MGMT: variants seen among roughly 807,000 people sequenced by gnomAD.
The protein encoded by MGMT is O-6-methylguanine-DNA methyltransferase, also known as methylated-DNA--protein-cysteine methyltransferase.
MGMT carries 14 observed loss-of-function variants against 15.9 expected under a neutral mutation model. The ratio of observed to expected loss-of-function variants is 0.88; its 90% CI spans 0.58 to 1.37. The LOEUF is 1.37. Ranked by LOEUF, MGMT falls within the 40% of genes most tolerant of loss-of-function variation. MGMT has a pLI of 0.00. For missense variants in MGMT, 282 were observed against 268.1 expected (o/e 1.05, Z -0.36); for synonymous variants, 130 against 118.2 (o/e 1.10, Z -0.65).
intron 2 of MGMT, among the ~76,000 whole-genome samples, chr10:129,668,151 A>G (rs1187538344): frequency 6.6e-6 from 1 of 152,166 alleles, no homozygotes; most frequent in African/African-American, 2.4e-5. Context: ...TTTCTCTCCC[A>G]TAAGAACGTG....
chr10:129,687,278 A>G (rs1847915213), intron 2 of MGMT, among the ~76,000 whole-genome samples: 1 of 151,928 alleles, frequency 6.6e-6, no homozygotes. Context: ...CCTTAGGTAC[A>G]TATATTGAAT....
intron 3 of MGMT, among the ~76,000 whole-genome samples, chr10:129,714,298 C>T (rs1455514885): frequency 6.6e-6 from 1 of 152,238 alleles, no homozygotes; most frequent in Non-Finnish European, 1.5e-5. Context: ...ACCTGAGGTT[C>T]AGATTGTGTC....
At chr10:129,585,186 CT>C (rs1333054309) in intron 2 of MGMT, among the ~76,000 whole-genome samples, 41 of 152,266 alleles carry the variant, frequency 2.7e-4, no homozygotes, top group African/African-American at 9.6e-4. Context: ...AGAAAGATAT[CT>C]TCTTGTGTAA....
intron 1 of MGMT, among the ~76,000 whole-genome samples, chr10:129,517,000 G>C (rs917056629): frequency 2.6e-5 from 4 of 152,230 alleles, no homozygotes; most frequent in African/African-American, 7.2e-5. Flanking sequence ...TGCGGTTGGT[G>C]GTGGGGCTCC....
chr10:129,597,816 G>T (rs1256900236), intron 2 of MGMT, among the ~76,000 whole-genome samples: 1 of 152,200 alleles, frequency 6.6e-6, no homozygotes, highest in Non-Finnish European at 1.5e-5. Flanking sequence ...CTACAGAAGT[G>T]GCTGCTGACT....
chr10:129,630,378 G>T (rs374501326), intron 2 of MGMT, among the ~76,000 whole-genome samples: 1 of 152,216 alleles, frequency 6.6e-6, no homozygotes, highest in Admixed American at 6.5e-5. Context: ...ATCTCACGCC[G>T]TGAGGAGCTC....
At chr10:129,690,184 T>C (rs912690184) in intron 2 of MGMT, among the ~76,000 whole-genome samples, 2 of 152,262 alleles carry the variant, frequency 1.3e-5, no homozygotes, top group Non-Finnish European at 2.9e-5. Flanking sequence ...ATCACATATT[T>C]ACTTCCATGT....
At chr10:129,509,331 C>T (rs549349542) in intron 1 of MGMT, among the ~76,000 whole-genome samples, 4 of 152,294 alleles carry the variant, frequency 2.6e-5, no homozygotes, top group Non-Finnish European at 4.4e-5. Flanking sequence ...CCCCTCGAGA[C>T]GACATGCAGG....
At chr10:129,501,907 T>C (rs560578498) in intron 1 of MGMT, among the ~76,000 whole-genome samples, 1 of 152,300 alleles carries the variant, frequency 6.6e-6, no homozygotes, top group African/African-American at 2.4e-5. Context: ...ATGGACTTGG[T>C]TTGGCTAATG....
intron 2 of MGMT, 43 bp from the exon 3 acceptor site, chr10:129,707,852 C>T (rs1848182843): frequency 6.2e-7 from 1 of 1,606,652 alleles, no homozygotes; most frequent in South Asian, 1.1e-5. Context: ...TGTGTGGAGG[C>T]AGGGCCCAGA....
intron 1 of MGMT, among the ~76,000 whole-genome samples, chr10:129,483,315 C>A (rs188783080): frequency 2.0e-5 from 3 of 152,222 alleles, no homozygotes; most frequent in Non-Finnish European, 2.9e-5. Context: ...TTTAAAAAAT[C>A]CAGAATTTAC....
intron 2 of MGMT, among the ~76,000 whole-genome samples, chr10:129,557,354 T>G (rs1204293039): frequency 1.3e-5 from 2 of 152,230 alleles, no homozygotes; most frequent in Non-Finnish European, 2.9e-5. Flanking sequence ...TTAACTGTCT[T>G]AGATCTCCTT....
chr10:129,468,068 G>GAGGGGTCACCAC (rs58081483), intron 1 of MGMT, among the ~76,000 whole-genome samples: 61,546 of 151,904 alleles, frequency 0.41, 14,650 homozygotes, highest in African/African-American at 0.67. Context: ...TTGGTCCAGA[G>GAGGGGTCACCAC]AGCTGTTCTC....
chr10:129,620,428 C>T (rs1248558383), intron 2 of MGMT, among the ~76,000 whole-genome samples: 3 of 152,136 alleles, frequency 2.0e-5, no homozygotes, highest in African/African-American at 7.2e-5. Flanking sequence ...AAAGGAGTGT[C>T]GAAGTCTGCA....
At chr10:129,501,372 C>A (rs1845573210) in intron 1 of MGMT, among the ~76,000 whole-genome samples, 2 of 152,298 alleles carry the variant, frequency 1.3e-5, no homozygotes, top group Admixed American at 6.5e-5. Context: ...GCAGTCATCC[C>A]TTTCAAGACC....
intron 2 of MGMT, among the ~76,000 whole-genome samples, chr10:129,657,624 C>T (rs1007708053): frequency 1.4e-4 from 21 of 147,742 alleles, no homozygotes; most frequent in African/African-American, 4.6e-4. Flanking sequence ...CCTCTGACAG[C>T]CTGGAGGAGG....
At chr10:129,575,392 G>T (rs533311304) in intron 2 of MGMT, among the ~76,000 whole-genome samples, 2 of 148,166 alleles carry the variant, frequency 1.3e-5, no homozygotes, top group Non-Finnish European at 3.0e-5. Context: ...ACTCAAAACC[G>T]CTCAACTACA....
At chr10:129,516,328 A>T (rs946420064) in intron 1 of MGMT, among the ~76,000 whole-genome samples, 3 of 152,224 alleles carry the variant, frequency 2.0e-5, no homozygotes, top group Admixed American at 6.5e-5. Context: ...AATTCTTTCT[A>T]GAGGCAGTGG....
At chr10:129,524,938 AC>A (rs1182160606) in intron 1 of MGMT, among the ~76,000 whole-genome samples, 1 of 152,134 alleles carries the variant, frequency 6.6e-6, no homozygotes, top group Non-Finnish European at 1.5e-5. Flanking sequence ...GGTATCACAA[AC>A]CAATTGTCAG....
Sources: allele counts gnomAD v4.1 joint callset (sites outside exome capture counted in the v4.1 genomes callset), GRCh38; gene constraint gnomAD v4.1.1; transcripts MANE v1.5; gene names NCBI Gene and HGNC (gene_info 2026-07-23, HGNC 2026-07-21).